The following CTNNA3 variants were observed in gnomAD, a reference collection of about 807,000 sequenced individuals.
CTNNA3 encodes the protein catenin alpha 3, also known as catenin alpha-3.
CTNNA3 carries 76 observed loss-of-function variants against 95.7 expected under a neutral mutation model. That is an observed-to-expected ratio of 0.79 (90% CI 0.66 to 0.96). The LOEUF is 0.96. CTNNA3 is among the 40% of genes least tolerant of loss of function. CTNNA3 has a pLI of 0.00. For synonymous variants in CTNNA3, 431 were observed against 374.4 expected (o/e 1.15, Z -1.74); for missense variants, 1,191 against 1,089.8 (o/e 1.09, Z -1.31).
chr10:66,575,982 G>C (rs181694765), intron 10 of CTNNA3, among the ~76,000 whole-genome samples: 5 of 152,184 alleles, frequency 3.3e-5, no homozygotes, highest in African/African-American at 9.6e-5. Context: ...GTAAAGTTCA[G>C]CTGGACACAT....
At chr10:66,523,089 T>C (rs1841126722) in intron 10 of CTNNA3, among the ~76,000 whole-genome samples, 1 of 152,214 alleles carries the variant, frequency 6.6e-6, no homozygotes, top group African/African-American at 2.4e-5. Flanking sequence ...AAATAACTAC[T>C]GTGCAGTATG....
chr10:66,000,447 C>T (rs1223053992), intron 15 of CTNNA3, among the ~76,000 whole-genome samples: 1 of 152,048 alleles, frequency 6.6e-6, no homozygotes, highest in Non-Finnish European at 1.5e-5. Flanking sequence ...TTTTTAAGGA[C>T]AGTGAATATC....
At chr10:65,964,079 A>C (rs12261576) in intron 17 of CTNNA3, among the ~76,000 whole-genome samples, 15,181 of 152,156 alleles carry the variant, frequency 0.1, 916 homozygotes, top group East Asian at 0.29. Context: ...TTTGAATACC[A>C]AATTTCTGTA....
At chr10:66,849,276 C>G (rs1196975819) in intron 7 of CTNNA3, among the ~76,000 whole-genome samples, 1 of 152,102 alleles carries the variant, frequency 6.6e-6, no homozygotes, top group African/African-American at 2.4e-5. Flanking sequence ...GGCTGACAAG[C>G]CATCAGGAAA....
At chr10:67,089,690 T>A (rs1857510998) in intron 7 of CTNNA3, among the ~76,000 whole-genome samples, 1 of 150,474 alleles carries the variant, frequency 6.6e-6, no homozygotes, top group Non-Finnish European at 1.5e-5. Flanking sequence ...AATCAGCCAA[T>A]CAGAGTATAC....
At chr10:67,185,097 CCTGA>C (rs752414679) in intron 6 of CTNNA3, among the ~76,000 whole-genome samples, 1 of 151,906 alleles carries the variant, frequency 6.6e-6, no homozygotes. Flanking sequence ...TTCTTCCTTT[CCTGA>C]CTGTTTTCTT....
intron 5 of CTNNA3, among the ~76,000 whole-genome samples, chr10:67,506,039 T>C (rs193190848): frequency 1.3e-3 from 203 of 152,310 alleles, no homozygotes; most frequent in Non-Finnish European, 1.6e-3. Flanking sequence ...AAGCTAAATA[T>C]AGTTTATCTG....
At chr10:66,669,435 C>G (rs1389305002) in intron 9 of CTNNA3, among the ~76,000 whole-genome samples, 7 of 151,870 alleles carry the variant, frequency 4.6e-5, no homozygotes, top group African/African-American at 1.5e-4. Flanking sequence ...CCCAGCTACT[C>G]TGGAGGCTGA....
At position 66,004,088 on chromosome 10, in the gene CTNNA3, T is replaced by C. The variant is rs141458783; in HGVS notation, c.2160-15291A>G. Among the ~76,000 whole-genome samples the C allele has an allele frequency of 3.4e-3, 516 of 152,340 alleles. 2 individuals carry two copies. The highest frequency in any genetic ancestry group is 0.012 in the African/African-American group (493 of 41,582). On this transcript the variant is annotated intron_variant, in intron 15 of 17. Coordinates refer to ENST00000433211, the MANE Select transcript of CTNNA3 (RefSeq NM_013266.4). Reference sequence around the variant, plus strand: ...CAGTTTCAAATGAATAGCAAGGAGTTTAAATCCATGTTTTCAGAGCTAATT... The same window carrying C: ...CAGTTTCAAATGAATAGCAAGGAGTCTAAATCCATGTTTTCAGAGCTAATT...
chr10:66,900,930 T>C (rs1845716162), intron 7 of CTNNA3, among the ~76,000 whole-genome samples: 1 of 152,118 alleles, frequency 6.6e-6, no homozygotes, highest in Non-Finnish European at 1.5e-5. Context: ...ACACGGAGAA[T>C]GGAACCAAAT....
chr10:67,504,460 A>AAAAG (rs1839369556), intron 5 of CTNNA3, among the ~76,000 whole-genome samples: 1 of 149,994 alleles, frequency 6.7e-6, no homozygotes, highest in Non-Finnish European at 1.5e-5. Flanking sequence ...AAAAAAAAAA[A>AAAAG]CAGAGTAACA....
intron 12 of CTNNA3, among the ~76,000 whole-genome samples, chr10:66,332,570 A>C (rs1183461083): frequency 6.6e-6 from 1 of 152,086 alleles, no homozygotes; most frequent in Non-Finnish European, 1.5e-5. Context: ...CATCCCCGGC[A>C]TGAAGCCCAC....
At chr10:67,564,679 A>G (rs200658957) in intron 3 of CTNNA3, among the ~76,000 whole-genome samples, 1,291 of 15,960 alleles carry the variant, frequency 0.081, 7 homozygotes, top group East Asian at 0.18. Flanking sequence ...GTGTGTGTGT[A>G]TATATATATA....
chr10:66,343,391 G>A (rs1289032108), intron 12 of CTNNA3, among the ~76,000 whole-genome samples: 1 of 152,024 alleles, frequency 6.6e-6, no homozygotes, highest in Non-Finnish European at 1.5e-5. Flanking sequence ...ATACTATTTA[G>A]CCATAAAAAG....
At chr10:67,262,687 G>T (rs563984894) in intron 5 of CTNNA3, among the ~76,000 whole-genome samples, 2 of 152,154 alleles carry the variant, frequency 1.3e-5, no homozygotes, top group Non-Finnish European at 2.9e-5. Context: ...GTGGATCTTT[G>T]GCGGGGAAAA....
intron 7 of CTNNA3, among the ~76,000 whole-genome samples, chr10:66,856,849 C>T (rs12773698): frequency 0.58 from 88,748 of 151,854 alleles, 27,004 homozygotes; most frequent in African/African-American, 0.64. Flanking sequence ...TCCTATCCTG[C>T]AGGTTGTCTG....
chr10:66,258,283 C>A (rs540567174), intron 13 of CTNNA3, among the ~76,000 whole-genome samples: 1 of 152,150 alleles, frequency 6.6e-6, no homozygotes, highest in South Asian at 2.1e-4. Flanking sequence ...TCACAGAAAG[C>A]GTTCACTTTT....
chr10:66,135,784 C>G (rs1360553252), intron 13 of CTNNA3, among the ~76,000 whole-genome samples: 4 of 152,188 alleles, frequency 2.6e-5, no homozygotes, highest in African/African-American at 4.8e-5. Context: ...AACAAAATAG[C>G]TTGCATGCAC....
chr10:66,405,114 A>G (rs1348221319), intron 11 of CTNNA3, among the ~76,000 whole-genome samples: 2 of 152,190 alleles, frequency 1.3e-5, no homozygotes, highest in Non-Finnish European at 2.9e-5. Context: ...AGAGTTTAAC[A>G]TTATAATGGA....
Sources: allele counts gnomAD v4.1 joint callset (sites outside exome capture counted in the v4.1 genomes callset), GRCh38; gene constraint gnomAD v4.1.1; transcripts MANE v1.5; gene names NCBI Gene and HGNC (gene_info 2026-07-23, HGNC 2026-07-21).